Variants in BCORL1 observed in about 807,000 individuals in gnomAD.
BCORL1 encodes the protein BCL-6 corepressor-like protein 1.
A neutral mutation model predicts 87.6 loss-of-function variants in BCORL1; 7 were observed. The observed-to-expected ratio is 0.08, with a 90% CI of 0.05 to 0.15. BCORL1 has a LOEUF of 0.15. Ranked by LOEUF, BCORL1 falls within the 10% of genes least tolerant of loss-of-function variation. The pLI is 1.00. For missense variants in BCORL1, 1,215 were observed against 1,499.7 expected, an observed-to-expected ratio of 0.81 and a Z score of 3.13; for synonymous variants, 591 against 634.4, an observed-to-expected ratio of 0.93 and a Z score of 1.03.
chrX:130,019,114 C>T (rs1327872614), intron 4 of BCORL1, among the ~76,000 whole-genome samples: 2 of 112,163 alleles, frequency 1.8e-5, no homozygotes, highest in Admixed American at 1.9e-4. Flanking sequence ...AAACTGTTAA[C>T]CAGAATGTTC....
chrX:130,054,253 CAG>C (rs1390869122), intron 13 of BCORL1, among the ~76,000 whole-genome samples: 2 of 112,362 alleles, frequency 1.8e-5, no homozygotes, highest in East Asian at 5.6e-4. Context: ...TGCTATGCTG[CAG>C]AGTGAACCAC....
intron 9 of BCORL1, among the ~76,000 whole-genome samples, chrX:130,036,024 C>T (rs778597305): frequency 3.5e-4 from 39 of 112,730 alleles, no homozygotes; most frequent in African/African-American, 1.2e-3. Context: ...GTGGAGTGGC[C>T]CATCTCCCCA....
At chrX:130,000,586 C>T (rs1927965701) in intron 1 of BCORL1, among the ~76,000 whole-genome samples, 1 of 112,087 alleles carries the variant, frequency 8.9e-6, no homozygotes, top group Non-Finnish European at 1.9e-5. Context: ...ACAAGAGAAC[C>T]AGACAGATGT....
intron 7 of BCORL1, 43 bp from the exon 8 acceptor site, chrX:130,028,591 TC>T (rs1238659920): frequency 8.9e-7 from 1 of 1,119,549 alleles, no homozygotes; most frequent in East Asian, 3.0e-5. Context: ...TTTTCTGTGT[TC>T]CATTTCTCTG....
chrX:130,030,700 C>T (rs1321949614), intron 8 of BCORL1, among the ~76,000 whole-genome samples: 1 of 110,120 alleles, frequency 9.1e-6, no homozygotes, highest in African/African-American at 3.3e-5. Flanking sequence ...CCTCCCCTTC[C>T]CCCTGTTCCT....
chrX:130,011,829 G>A (rs966747120), intron 2 of BCORL1, among the ~76,000 whole-genome samples: 3 of 110,650 alleles, frequency 2.7e-5, no homozygotes, highest in African/African-American at 9.9e-5. Context: ...AGGGAGGGGT[G>A]CTGGCAGGAG....
Position 130,014,790 on chromosome X carries a change from G to T in BCORL1, c.2018G>T (p.Gly673Val), listed in dbSNP as rs1433370540. Residue 673 changes from glycine (G) to valine (V), a missense_variant, in exon 4 of 14, where the codon GGT becomes GTT. This residue lies in a region of BCORL1 where 861 missense variants were observed against 1,010.0 expected (regional missense o/e 0.85). Transcript: ENST00000540052. Reference sequence around the variant, plus strand: ...TCTCAGCGCACAACCCAGGCTGCCGGTGGCAATGTCACCTCCTGCCTGGGC... The same window carrying T: ...TCTCAGCGCACAACCCAGGCTGCCGTTGGCAATGTCACCTCCTGCCTGGGC... ...SRSQRTTQAA[G>V]GNVTSCLGST... The T allele has an allele frequency of 3.6e-5, 43 of 1,209,221 alleles. No homozygotes were observed. Among genetic ancestry groups the T allele is most frequent in the Non-Finnish European group, 4.6e-5 (41 of 895,020 alleles).
Position 130,052,011 on chromosome X carries a change from C to T in BCORL1, c.5070C>T (p.Ser1690=). 8.4e-7 allele frequency: 1 copy of T among 1,192,343 alleles called. No individual in the cohort carries two copies. Among genetic ancestry groups the T allele is most frequent in the Non-Finnish European group, 1.1e-6 (1 of 885,528 alleles). The part of the protein sequence containing the change: ...LPCYNLQVSV[S]RGPCNWFLFS... ...GCTACAACCTCCAAGTGTCAGTGTC[C>T]CGCGGGTAAGTGTCCGAGAGATCCA... The change falls in exon 13 of 14, where the codon TCC becomes TCT. Residue 1690 remains serine, a synonymous_variant. Transcript: ENST00000540052.
In BCORL1 at chrX:130,034,549, G is replaced by A. The variant is rs887061335; in HGVS notation, c.4400G>A (p.Ser1467Asn). 3.1e-6 allele frequency: 3 copies of A among 981,311 alleles called. No individual in the cohort carries two copies. Among genetic ancestry groups the A allele is most frequent in the Non-Finnish European group, 4.0e-6 (3 of 755,727 alleles). 80.9% of individuals were successfully genotyped at this position (981,311 alleles called of 1,213,427 possible). A position where few individuals can be genotyped will look rare whatever the true frequency, so the allele number is the denominator to read the frequency against. The stretch of plus-strand genomic sequence containing the variant: ...CCATGTACACCCTCTAAGTCCCGAA[G>A]TGCCAGCTCAGAGGAGGCCTCAGAG... Reference protein sequence around the residue: ...TEPCTPSKSRSASSEEASESP... With the variant: ...TEPCTPSKSRNASSEEASESP... Residue 1467 changes from serine (S) to asparagine (N), a missense_variant, in exon 9 of 14, where the codon AGT becomes AAT. Around this residue, in one of 5 missense-constraint regions of BCORL1, gnomAD observed 166 missense variants for 196.5 expected, o/e 0.84. Coordinates refer to ENST00000540052, the MANE Select transcript of BCORL1 (RefSeq NM_001379451.1).
intron 1 of BCORL1, among the ~76,000 whole-genome samples, chrX:129,990,232 T>A (rs1927001247): frequency 9.1e-6 from 1 of 110,483 alleles, no homozygotes; most frequent in African/African-American, 3.3e-5. Context: ...TATATATATT[T>A]TTTTCTTTTT....
chrX:130,020,340 G>C (rs1249796002), intron 4 of BCORL1, among the ~76,000 whole-genome samples: 5 of 112,018 alleles, frequency 4.5e-5, no homozygotes, highest in Admixed American at 9.5e-5. Context: ...CAATAATAGA[G>C]ATGAGAGCAT....
At chrX:129,983,505 G>C (rs1406995142) in intron 1 of BCORL1, among the ~76,000 whole-genome samples, 2 of 106,927 alleles carry the variant, frequency 1.9e-5, no homozygotes, top group Non-Finnish European at 3.9e-5. Context: ...GAGGTGCGAC[G>C]GGTGCTCTTC....
intron 1 of BCORL1, among the ~76,000 whole-genome samples, chrX:130,001,976 G>A (rs1457669309): frequency 9.0e-6 from 1 of 110,858 alleles, no homozygotes; most frequent in Non-Finnish European, 1.9e-5. Context: ...GAGAGCTGAT[G>A]AGGGCCTGCA....
chrX:130,028,902 CGGGGGGTCAGAGGAGGCAGGA>C, intron 8 of BCORL1, 41 bp downstream of exon 8: 1 of 406,095 alleles, frequency 2.5e-6, no homozygotes, highest in Non-Finnish European at 3.2e-6. Context: ...GTGTGTGTGG[CGGGGGGTCAGAGGAGGCAGGA>C]GGGGGGTGGG....
chrX:130,032,733 CTATTTATTTATTTATT>C (rs61204194), intron 8 of BCORL1, among the ~76,000 whole-genome samples: 40 of 87,586 alleles, frequency 4.6e-4, no homozygotes, highest in East Asian at 3.1e-4. Context: ...AGAATCTCTT[CTATTTATTTATTTATT>C]TATTTATTTA....
upstream of BCORL1, among the ~76,000 whole-genome samples, chrX:129,982,421 C>T (rs756000147): frequency 9.0e-6 from 1 of 111,168 alleles, no homozygotes; most frequent in South Asian, 3.8e-4. Flanking sequence ...GCTTTCGTCC[C>T]TCCCTCTCTT....
At position 130,015,285 on chromosome X, in the gene BCORL1, A is replaced by G. The variant is rs757578945; in HGVS notation, c.2513A>G (p.Gln838Arg). ...VLPVGWSPYH[Q>R]ASLLSIGISS... ...CCTGTTGGCTGGTCCCCGTACCACCAGGCGTCTCTGCTTTCCATTGGCATT... is the reference window on the plus strand; with the variant it reads ...CCTGTTGGCTGGTCCCCGTACCACCGGGCGTCTCTGCTTTCCATTGGCATT... Residue 838 changes from glutamine (Q) to arginine (R), a missense_variant, in exon 4 of 14, where the codon CAG becomes CGG. By Grantham distance (43) the Gln-to-Arg change is conservative (BLOSUM62 1). This residue lies in a region of BCORL1 where 861 missense variants were observed against 1,010.0 expected (regional missense o/e 0.85). Coordinates refer to ENST00000540052, the MANE Select transcript of BCORL1 (RefSeq NM_001379451.1). The G allele has an allele frequency of 5.0e-6, 6 of 1,211,735 alleles. No individual in the cohort carries two copies. The South Asian group carries it at 8.8e-5, about 18-fold the overall frequency.
chrX:130,002,760 A>T, intron 1 of BCORL1, among the ~76,000 whole-genome samples: 1 of 102,870 alleles, frequency 9.7e-6, no homozygotes, highest in Non-Finnish European at 2.0e-5. Flanking sequence ...AGGGGAGAGA[A>T]AGGTGAGGAG....
Position 130,028,841 on chromosome X carries a change from A to G in BCORL1, c.4285A>G (p.Thr1429Ala). The change falls in exon 8 of 14, where the codon ACC becomes GCC. Residue 1429 changes from threonine to alanine, a missense_variant. Thr to Ala is a moderately conservative substitution (Grantham distance 58). Transcript: ENST00000540052. ...AAAGTGCAAGACCAAGCACATGGCAACCGTCTCAGAAGAGGCAAAGGTGTG... is the reference window on the plus strand; with the variant it reads ...AAAGTGCAAGACCAAGCACATGGCAGCCGTCTCAGAAGAGGCAAAGGTGTG... ...KRKCKTKHMA[T>A]VSEEAKGKGR... 9.6e-7 allele frequency: 1 copy of G among 1,045,091 alleles called. No individual in the cohort carries two copies. The highest frequency in any genetic ancestry group is 1.3e-6 in the Non-Finnish European group (1 of 792,579). 86.1% of individuals were successfully genotyped at this position (1,045,091 alleles called of 1,213,427 possible).
Sources: allele counts gnomAD v4.1 joint callset (sites outside exome capture counted in the v4.1 genomes callset), GRCh38; gene constraint gnomAD v4.1.1; regional missense constraint gnomAD v4.1.1; transcripts MANE v1.5; gene names NCBI Gene and HGNC (gene_info 2026-07-23, HGNC 2026-07-21).